SPAG16: variants seen among roughly 807,000 people sequenced by gnomAD.
SPAG16 encodes sperm associated antigen 16.
Under a neutral mutation model 80.4 loss-of-function variants are expected in SPAG16, and 86 were observed. The observed-to-expected ratio is 1.07, with a 90% confidence interval of 0.90 to 1.28. SPAG16 has a LOEUF of 1.28. Ranked by LOEUF, SPAG16 falls within the 50% of genes most tolerant of loss-of-function variation. SPAG16 has a pLI of 0.00. For synonymous variants in SPAG16, 294 were observed against 265.9 expected (o/e 1.11, Z -1.03); for missense variants, 870 against 765.3 (o/e 1.14, Z -1.61).
At chr2:214,073,531 G>A (rs936234009) in intron 13 of SPAG16, among the ~76,000 whole-genome samples, 4 of 152,024 alleles carry the variant, frequency 2.6e-5, no homozygotes, top group Non-Finnish European at 2.9e-5. Flanking sequence ...CACCACGCCC[G>A]GCCGGATATT....
chr2:213,659,814 G>C (rs2063351411), intron 10 of SPAG16, among the ~76,000 whole-genome samples: 1 of 151,922 alleles, frequency 6.6e-6, no homozygotes, highest in Non-Finnish European at 1.5e-5. Flanking sequence ...TCCTATGAAA[G>C]AGCAAAATTA....
intron 10 of SPAG16, among the ~76,000 whole-genome samples, chr2:213,590,240 T>C (rs1291238206): frequency 2.0e-5 from 3 of 152,160 alleles, no homozygotes; most frequent in Non-Finnish European, 4.4e-5. Flanking sequence ...TGGGTACACA[T>C]GTATGTTTGT....
At chr2:213,380,850 C>T (rs757916620) in intron 9 of SPAG16, among the ~76,000 whole-genome samples, 1 of 152,132 alleles carries the variant, frequency 6.6e-6, no homozygotes, top group African/African-American at 2.4e-5. Context: ...AGAGCGTTCT[C>T]CTGTTCTGGA....
chr2:214,080,618 AAAAAT>A (rs1559767975), intron 13 of SPAG16, among the ~76,000 whole-genome samples: 1 of 151,464 alleles, frequency 6.6e-6, no homozygotes, highest in African/African-American at 2.4e-5. Flanking sequence ...AAAAAAAAAA[AAAAAT>A]TAAAATAAAA....
intron 9 of SPAG16, among the ~76,000 whole-genome samples, chr2:213,380,594 C>T (rs891498587): frequency 5.9e-5 from 9 of 152,196 alleles, no homozygotes; most frequent in South Asian, 2.1e-4. Context: ...ATCCAGTTCA[C>T]GACAGGCAGT....
chr2:213,679,493 C>CT (rs1294395021), intron 10 of SPAG16, among the ~76,000 whole-genome samples: 1 of 152,038 alleles, frequency 6.6e-6, no homozygotes, highest in Non-Finnish European at 1.5e-5. Context: ...CCTTAACGTC[C>CT]TTTTTTCACA....
chr2:213,398,056 GTCTC>G, intron 9 of SPAG16, among the ~76,000 whole-genome samples: 1 of 151,826 alleles, frequency 6.6e-6, no homozygotes, highest in Non-Finnish European at 1.5e-5. Context: ...TCCCTGAGAC[GTCTC>G]TCTCTCTCAC....
chr2:214,322,141 A>ATTGT (rs1367551963), intron 15 of SPAG16, among the ~76,000 whole-genome samples: 2 of 152,160 alleles, frequency 1.3e-5, no homozygotes, highest in East Asian at 1.9e-4. Context: ...CTGACTTAAA[A>ATTGT]TTGTTTGTTT....
chr2:214,227,992 T>C (rs995409881), intron 15 of SPAG16, among the ~76,000 whole-genome samples: 2 of 151,916 alleles, frequency 1.3e-5, no homozygotes, highest in Non-Finnish European at 2.9e-5. Context: ...CAGTGTTTTC[T>C]CTATTATGCA....
At chr2:214,129,328 A>G (rs1271444290) in intron 14 of SPAG16, among the ~76,000 whole-genome samples, 3 of 152,104 alleles carry the variant, frequency 2.0e-5, no homozygotes, top group Non-Finnish European at 4.4e-5. Flanking sequence ...TAGTATGTCA[A>G]CGTAGTCTTC....
chr2:214,064,524 T>A (rs2050438871), intron 13 of SPAG16, among the ~76,000 whole-genome samples: 1 of 152,110 alleles, frequency 6.6e-6, no homozygotes, highest in South Asian at 2.1e-4. Context: ...TCTGACCTCC[T>A]TTTGTATAGG....
chr2:214,017,727 A>G (rs1170847115), intron 13 of SPAG16, among the ~76,000 whole-genome samples: 3 of 152,206 alleles, frequency 2.0e-5, no homozygotes, highest in East Asian at 3.8e-4. Context: ...AGCATAGTGC[A>G]ATTGCATATG....
intron 13 of SPAG16, among the ~76,000 whole-genome samples, chr2:214,037,864 G>GGTATGT (rs374110237): frequency 0.027 from 3,588 of 133,646 alleles, 140 homozygotes; most frequent in African/African-American, 0.078. Flanking sequence ...CCAGAAGCCT[G>GGTATGT]GTGTGTGTGT....
intron 9 of SPAG16, among the ~76,000 whole-genome samples, chr2:213,416,011 G>T (rs965374720): frequency 1.3e-5 from 2 of 152,236 alleles, no homozygotes; most frequent in African/African-American, 4.8e-5. Context: ...AAACATGGAA[G>T]ATTGTGAAGA....
Position 213,346,936 on chromosome 2 carries a change from A to G in SPAG16, c.645-3592A>G, listed in dbSNP as rs532003471. On this transcript the variant is annotated intron_variant, in intron 6 of 15. Coordinates refer to ENST00000331683, the MANE Select transcript of SPAG16 (RefSeq NM_024532.5). ...GAAGGTATTCCTTCTTTTTCTATTGATTGGAATAGTTTTAGAAGGAATGGT... is the reference window on the plus strand; with the variant it reads ...GAAGGTATTCCTTCTTTTTCTATTGGTTGGAATAGTTTTAGAAGGAATGGT... Among the ~76,000 whole-genome samples the G allele has an allele frequency of 2.6e-3, 395 of 151,894 alleles. 4 individuals are homozygous for G. Among genetic ancestry groups the G allele is most frequent in the African/African-American group, 8.8e-3 (363 of 41,422 alleles).
At chr2:214,041,288 T>G (rs2048992589) in intron 13 of SPAG16, among the ~76,000 whole-genome samples, 1 of 152,106 alleles carries the variant, frequency 6.6e-6, no homozygotes, top group East Asian at 1.9e-4. Context: ...GTGTTAAAGT[T>G]TTCTTCTTTT....
intron 12 of SPAG16, among the ~76,000 whole-genome samples, chr2:213,994,644 T>C (rs2046432951): frequency 6.6e-6 from 1 of 151,830 alleles, no homozygotes; most frequent in African/African-American, 2.4e-5. Flanking sequence ...TTCCATTCAC[T>C]GGATCTGAGA....
intron 8 of SPAG16, among the ~76,000 whole-genome samples, chr2:213,374,381 C>G (rs2066785656): frequency 6.6e-6 from 1 of 151,926 alleles, no homozygotes. Flanking sequence ...TTTTTGCAAT[C>G]AACTTACTGT....
intron 10 of SPAG16, among the ~76,000 whole-genome samples, chr2:213,822,093 A>G (rs1188936087): frequency 2.6e-5 from 4 of 152,088 alleles, no homozygotes; most frequent in Non-Finnish European, 5.9e-5. Flanking sequence ...ATCATATGGT[A>G]GTTCTATCTT....
Sources: allele counts gnomAD v4.1 joint callset (sites outside exome capture counted in the v4.1 genomes callset), GRCh38; gene constraint gnomAD v4.1.1; transcripts MANE v1.5; gene names NCBI Gene and HGNC (gene_info 2026-07-23, HGNC 2026-07-21).